IMPG2: variants seen among roughly 807,000 people sequenced by gnomAD.
IMPG2 encodes IPM 200.
A neutral mutation model predicts 129.2 loss-of-function variants in IMPG2; 91 were observed. That is an observed-to-expected ratio of 0.70 (90% CI 0.59 to 0.84). The LOEUF (loss-of-function observed/expected upper bound fraction) is 0.84. Ranked by LOEUF, IMPG2 falls within the 40% of genes least tolerant of loss-of-function variation. IMPG2 has a pLI of 0.00. For missense variants in IMPG2, 1,430 were observed against 1,461.7 expected (o/e 0.98, Z 0.35); for synonymous variants, 510 against 517.7 (o/e 0.99, Z 0.20).
intron 4 of IMPG2, among the ~76,000 whole-genome samples, chr3:101,290,424 A>C (rs1706995242): frequency 6.6e-6 from 1 of 152,130 alleles, no homozygotes; most frequent in South Asian, 2.1e-4. Flanking sequence ...GTGGAGGATC[A>C]CTTAAGCCTG....
chr3:101,273,825 G>GA (rs1186581869), intron 6 of IMPG2, 83 bp from the exon 7 acceptor site: 1 of 1,342,182 alleles, frequency 7.5e-7, no homozygotes, highest in African/African-American at 1.4e-5. Flanking sequence ...CAATGTGTCA[G>GA]AACTGTGCTA....
chr3:101,282,021 T>C (rs1428313510), intron 4 of IMPG2, among the ~76,000 whole-genome samples: 1 of 152,104 alleles, frequency 6.6e-6, no homozygotes, highest in Middle Eastern at 3.2e-3. Flanking sequence ...TCAGACTAAT[T>C]AGTTAAAGCA....
intron 13 of IMPG2, among the ~76,000 whole-genome samples, chr3:101,243,140 C>T (rs1386080813): frequency 6.6e-6 from 1 of 152,176 alleles, no homozygotes; most frequent in Admixed American, 6.5e-5. Context: ...CCATGGAATT[C>T]ATACATAGTT....
chr3:101,287,215 TAC>T (rs1706956867), intron 4 of IMPG2, among the ~76,000 whole-genome samples: 1 of 152,116 alleles, frequency 6.6e-6, no homozygotes, highest in African/African-American at 2.4e-5. Flanking sequence ...TTGCAAAATT[TAC>T]AGTGTGGCAA....
chr3:101,232,883 C>G lies in IMPG2; in HGVS notation c.3131G>C (p.Ser1044Thr), dbSNP rs749595871. The change falls in exon 15 of 19, where the codon AGT becomes ACT. Residue 1044 changes from serine (S) to threonine (T), a missense_variant. Physicochemically the swap from Ser to Thr is moderately conservative, Grantham distance 58 (BLOSUM62 1). Transcript: ENST00000193391. The part of the protein sequence containing the change: ...AKCRCFPGYL[S>T]VEERPCQSLC... ...ACTCTGACAGGGCCGTTCTTCCACA[C>G]TCAGGTATCCAGGGAAGCATCTGCA... 6.2e-7 allele frequency: 1 copy of G among 1,613,976 alleles called. No individual in the cohort carries two copies. Among genetic ancestry groups the G allele is most frequent in the Admixed American group, 1.7e-5 (1 of 60,000 alleles).
chr3:101,228,945 T>A (rs1706252310), intron 17 of IMPG2, 69 bp from the exon 18 acceptor site: 2 of 1,111,682 alleles, frequency 1.8e-6, no homozygotes, highest in Non-Finnish European at 2.8e-6. Context: ...TTAAAAGGGG[T>A]TCTAATTTTC....
intron 2 of IMPG2, among the ~76,000 whole-genome samples, chr3:101,317,157 C>G (rs951869395): frequency 6.6e-6 from 1 of 151,920 alleles, no homozygotes; most frequent in Non-Finnish European, 1.5e-5. Context: ...ATTATCTTAA[C>G]TATAATGATG....
chr3:101,320,344 A>G lies in IMPG2; in HGVS notation c.29T>C (p.Ile10Thr), dbSNP rs758777225. ...GACAAATATCAAAATACCCAGAGAA[A>G]TCTTCCCAAAAAGAGGAAACATAAT... is the stretch of plus-strand genomic sequence containing the variant. MIMFPLFGK[I>T]SLGILIFVLI... The change falls in exon 1 of 19, where the codon ATT (isoleucine) becomes ACT (threonine). Residue 10 changes from isoleucine (I) to threonine (T), a missense_variant. Physicochemically the swap from Ile to Thr is moderately conservative, Grantham distance 89 (BLOSUM62 -1). Transcript: ENST00000193391. 34 of 1,607,924 alleles carry G rather than the reference A, an allele frequency of 2.1e-5. No homozygotes were observed. In the South Asian group the frequency reaches 3.4e-4, roughly 16 times the overall value.
chr3:101,314,989 G>A lies in IMPG2; in HGVS notation c.334+4595C>T, dbSNP rs539567067. On this transcript the variant is annotated intron_variant, in intron 2 of 18. Transcript: ENST00000193391. ...CAAAATGCAGGCTCACTAGACAAGA[G>A]TACCCAAGGGAAAAAAGACTCTCCC... is the stretch of plus-strand genomic sequence containing the variant. Among the ~76,000 whole-genome samples, 15 of 152,070 alleles carry A rather than the reference G, an allele frequency of 9.9e-5. No individual in the cohort carries two copies. The East Asian group carries it at 2.1e-3, about 22-fold the overall frequency.
chr3:101,272,940 C>T (rs1157725533), intron 7 of IMPG2, among the ~76,000 whole-genome samples: 1 of 152,150 alleles, frequency 6.6e-6, no homozygotes, highest in Non-Finnish European at 1.5e-5. Flanking sequence ...TGCACAAAAG[C>T]AAAGGCAAAC....
In IMPG2 at chr3:101,249,777, T is replaced by C. The variant is rs143565321; in HGVS notation, c.1240-3672A>G. The stretch of plus-strand genomic sequence containing the variant: ...AAGTGACCCTGAGGATAATATGACA[T>C]GTTTCATGATTCATGTCAAAAAAAA... On this transcript the variant is annotated intron_variant, in intron 11 of 18. Transcript: ENST00000193391. Among the ~76,000 whole-genome samples the C allele has an allele frequency of 7.4e-5, 11 of 148,728 alleles. No individual in the cohort carries two copies. The East Asian group carries it at 2.0e-3, about 26-fold the overall frequency.
chr3:101,284,656 C>T (rs1706926863), intron 4 of IMPG2, among the ~76,000 whole-genome samples: 1 of 152,046 alleles, frequency 6.6e-6, no homozygotes, highest in African/African-American at 2.4e-5. Flanking sequence ...ATATTTAGGA[C>T]AGACTCAAAA....
At position 101,224,313 on chromosome 3, in the gene IMPG2, G is replaced by A. The variant is rs1203616192; in HGVS notation, c.*2656C>T. 6.6e-6 allele frequency: 1 copy of A among 152,156 alleles called. No individual in the cohort carries two copies. Among genetic ancestry groups the A allele is most frequent in the African/African-American group, 2.4e-5 (1 of 41,436 alleles). 9.4% of individuals were successfully genotyped at this position (152,156 alleles called of 1,614,324 possible). ...TAATTCAATTATAAAGGCTACATCT[G>A]TAAAACACCACAGTATCTTACAACC... On this transcript the variant is annotated 3_prime_UTR_variant, in exon 19 of 19. Transcript: ENST00000193391.
rs1411924896 is a variant in IMPG2 at position 101,244,340 on chromosome 3, T to G, written c.1991A>C (p.His664Pro). 1 of 1,613,692 alleles carries G rather than the reference T, an allele frequency of 6.2e-7. No individual in the cohort carries two copies. The highest frequency in any genetic ancestry group is 8.5e-7 in the Non-Finnish European group (1 of 1,179,896). Reference protein sequence around the residue: ...KMDSTDQISKHSKYEHDDRST... With the variant: ...KMDSTDQISKPSKYEHDDRST... ...TCTGTCATCATGTTCATATTTTGAG[T>G]GCTTACTAATTTGGTCTGTGGAATC... Residue 664 changes from histidine (H) to proline (P), a missense_variant, in exon 13 of 19, where the codon CAC (histidine) becomes CCC (proline). Transcript: ENST00000193391.
rs141317074 is a variant in IMPG2, at chr3:101,237,356, C to G, written c.3023-4365G>C. Reference sequence around the variant, plus strand: ...GAGCAGCAGATCTCCCAGCACAGCACTCAAGCTCTGCTAAGGGACGATTGC... The same window carrying G: ...GAGCAGCAGATCTCCCAGCACAGCAGTCAAGCTCTGCTAAGGGACGATTGC... On this transcript the variant is annotated intron_variant, in intron 14 of 18. Transcript: ENST00000193391. 9.5e-3 allele frequency among the ~76,000 whole-genome samples: 1,449 copies of G among 152,328 alleles called. 22 individuals carry two copies. Among genetic ancestry groups the G allele is most frequent in the African/African-American group, 0.033 (1,376 of 41,582 alleles).
At chr3:101,320,235 G>T in intron 1 of IMPG2, 53 bp downstream of exon 1, 1 of 1,031,970 alleles carries the variant, frequency 9.7e-7, no homozygotes, top group Non-Finnish European at 1.5e-6. Context: ...TATTTTTGAA[G>T]AACATATACT....
At chr3:101,256,488 T>G (rs968635950) in intron 10 of IMPG2, among the ~76,000 whole-genome samples, 1 of 152,156 alleles carries the variant, frequency 6.6e-6, no homozygotes, top group Non-Finnish European at 1.5e-5. Context: ...CTACCTTGCC[T>G]TTTAAATCTA....
At position 101,243,815 on chromosome 3, in the gene IMPG2, G is replaced by A. The variant is rs752737916; in HGVS notation, c.2516C>T (p.Ser839Leu). ...DEVIMGVQDI[S>L]LELDRIGTDY... ...TGTGCCTATCCGGTCCAGTTCTAAC[G>A]AAATATCCTGTACACCCATAATTAC... Residue 839 changes from serine to leucine, a missense_variant, in exon 13 of 19, where the codon TCG becomes TTG. Transcript: ENST00000193391. 11 of 1,614,014 alleles carry A rather than the reference G, an allele frequency of 6.8e-6. No individual in the cohort carries two copies. Among genetic ancestry groups the A allele is most frequent in the East Asian group, 6.7e-5 (3 of 44,892 alleles).
chr3:101,223,420 T>C lies in IMPG2; in HGVS notation c.*3549A>G, dbSNP rs945842527. On this transcript the variant is annotated 3_prime_UTR_variant, in exon 19 of 19. Coordinates refer to ENST00000193391, the MANE Select transcript of IMPG2 (RefSeq NM_016247.4). ...AATAGTTATTCTACTTCATTAGCTCTTTCATTATGGAATAAATATGTTGTC... is the reference window on the plus strand; with the variant it reads ...AATAGTTATTCTACTTCATTAGCTCCTTCATTATGGAATAAATATGTTGTC... 2 of 152,254 alleles carry C rather than the reference T, an allele frequency of 1.3e-5. No individual in the cohort carries two copies. Among genetic ancestry groups the C allele is most frequent in the Non-Finnish European group, 2.9e-5 (2 of 68,044 alleles). 9.4% of individuals were successfully genotyped at this position (152,254 alleles called of 1,614,324 possible).
Sources: allele counts gnomAD v4.1 joint callset (sites outside exome capture counted in the v4.1 genomes callset), GRCh38; gene constraint gnomAD v4.1.1; transcripts MANE v1.5; gene names NCBI Gene and HGNC (gene_info 2026-07-23, HGNC 2026-07-21).